The following SEL1L3 variants were observed in gnomAD, a reference collection of about 807,000 sequenced individuals.
The protein encoded by SEL1L3 is protein sel-1 homolog 3.
Under a neutral mutation model 142.8 loss-of-function variants are expected in SEL1L3, and 76 were observed. The ratio of observed to expected loss-of-function variants is 0.53; its 90% CI spans 0.44 to 0.64. The LOEUF (loss-of-function observed/expected upper bound fraction) is 0.64, where lower values mean the gene tolerates loss of function less well. Among genes scored for constraint, SEL1L3 ranks in the 30% least tolerant of loss-of-function variants. SEL1L3 has a pLI of 0.00. For missense variants in SEL1L3, 1,262 were observed against 1,381.7 expected (o/e 0.91, Z 1.37); for synonymous variants, 504 against 519.6 (o/e 0.97, Z 0.41).
chr4:25,790,857 C>T (rs901008686), intron 11 of SEL1L3, among the ~76,000 whole-genome samples: 2 of 152,146 alleles, frequency 1.3e-5, no homozygotes, highest in African/African-American at 4.8e-5. Flanking sequence ...ATGATATAAG[C>T]ACGCAAAAGA....
At chr4:25,780,590 T>C (rs1245809980) in intron 15 of SEL1L3, among the ~76,000 whole-genome samples, 1 of 151,904 alleles carries the variant, frequency 6.6e-6, no homozygotes. Context: ...AATGTTCTCC[T>C]AGATATCTGT....
intron 6 of SEL1L3, among the ~76,000 whole-genome samples, chr4:25,829,541 A>G (rs763025077): frequency 8.5e-5 from 13 of 152,214 alleles, no homozygotes; most frequent in African/African-American, 2.4e-5. Context: ...CCACGATTAT[A>G]CGTGGATGTA....
intron 1 of SEL1L3, among the ~76,000 whole-genome samples, 186 bp from the exon 2 acceptor site, chr4:25,848,050 C>T (rs1310921493): frequency 6.6e-6 from 1 of 152,130 alleles, no homozygotes; most frequent in Non-Finnish European, 1.5e-5. Context: ...CACACAAATA[C>T]AAAGGAAGAT....
chr4:25,719,553 A>G, the SEL1L3 span: 1 of 147,482 alleles, frequency 6.8e-6, no homozygotes, highest in South Asian at 2.2e-4. Context: ...TAAGATTAGA[A>G]GAGGTGATGT....
At chr4:25,790,853 T>A (rs1468345558) in intron 11 of SEL1L3, among the ~76,000 whole-genome samples, 1 of 152,060 alleles carries the variant, frequency 6.6e-6, no homozygotes, top group Non-Finnish European at 1.5e-5. Flanking sequence ...CCAAATGATA[T>A]AAGCACGCAA....
the SEL1L3 span, among the ~76,000 whole-genome samples, chr4:25,725,108 A>G: frequency 1.3e-5 from 2 of 152,114 alleles, no homozygotes; most frequent in African/African-American, 4.8e-5. Flanking sequence ...GGGACTTGCT[A>G]GGATCCCTGC....
intron 17 of SEL1L3, chr4:25,773,185 G>A (rs188833202): frequency 9.9e-5 from 15 of 152,266 alleles, no homozygotes; most frequent in Non-Finnish European, 8.8e-5. Context: ...ATCATATAAA[G>A]GTCAGAAATA....
downstream of SEL1L3, among the ~76,000 whole-genome samples, chr4:25,746,221 A>G (rs1481360153): frequency 6.6e-6 from 1 of 152,016 alleles, no homozygotes; most frequent in Non-Finnish European, 1.5e-5. Context: ...AATAAAAATA[A>G]AAAAGCATAT....
At position 25,797,059 on chromosome 4, in the gene SEL1L3, G is replaced by A. The variant is rs143172166; in HGVS notation, c.1956+5224C>T. 1.6e-4 allele frequency among the ~76,000 whole-genome samples: 24 copies of A among 151,110 alleles called. No individual in the cohort carries two copies. The East Asian group carries it at 4.5e-3, about 28-fold the overall frequency. On this transcript the variant is annotated intron_variant, in intron 11 of 23. Coordinates refer to ENST00000399878, the MANE Select transcript of SEL1L3 (RefSeq NM_015187.5). ...AGACAGGTAGTGGAGAGAGAAAGAG[G>A]AGAGGGAGGAGAAAGAGAAAGGAAG... is the stretch of plus-strand genomic sequence containing the variant.
intron 9 of SEL1L3, 80 bp downstream of exon 9, chr4:25,818,058 A>G: frequency 1.4e-6 from 2 of 1,445,278 alleles, no homozygotes; most frequent in Non-Finnish European, 1.9e-6. Flanking sequence ...GGCATAAATC[A>G]CCAAAGAGGG....
Position 25,765,344 on chromosome 4 carries a change from G to A in SEL1L3, c.2937C>T (p.Ala979=). 1 of 1,613,192 alleles carries A rather than the reference G, an allele frequency of 6.2e-7. No individual in the cohort carries two copies. Residue 979 remains alanine (A), a synonymous_variant, in exon 20 of 24, where the codon GCC becomes GCT. Coordinates refer to ENST00000399878, the MANE Select transcript of SEL1L3 (RefSeq NM_015187.5). The part of the protein sequence containing the change: ...ELSVQMYAQA[A]LDGDSQGFFN... ...TGTTTACCTGGGAGTCTCCATCCAG[G>A]GCGGCTTGGGCGTACATCTGCACAG...
chr4:25,799,126 G>A (rs1712999010), intron 11 of SEL1L3, among the ~76,000 whole-genome samples: 1 of 152,250 alleles, frequency 6.6e-6, no homozygotes, highest in African/African-American at 2.4e-5. Context: ...CCAGGCTGGA[G>A]TGCAGTGGCA....
chr4:25,750,908 C>A (rs778311398), intron 23 of SEL1L3, among the ~76,000 whole-genome samples: 1 of 152,176 alleles, frequency 6.6e-6, no homozygotes, highest in South Asian at 2.1e-4. Flanking sequence ...AATAGGCTGA[C>A]GTTGGTTTAA....
At chr4:25,790,993 T>C (rs1712295651) in intron 11 of SEL1L3, among the ~76,000 whole-genome samples, 2 of 152,274 alleles carry the variant, frequency 1.3e-5, no homozygotes, top group Admixed American at 1.3e-4. Flanking sequence ...CTTCTATATC[T>C]AAACGGTTGT....
intron 1 of SEL1L3, among the ~76,000 whole-genome samples, chr4:25,849,791 A>G (rs1249584572): frequency 1.3e-5 from 2 of 152,200 alleles, no homozygotes; most frequent in Admixed American, 1.3e-4. Context: ...GCTGCGGGAG[A>G]GGCAAAGATG....
At chr4:25,794,186 A>G (rs1447346695) in intron 11 of SEL1L3, among the ~76,000 whole-genome samples, 1 of 152,238 alleles carries the variant, frequency 6.6e-6, no homozygotes, top group Non-Finnish European at 1.5e-5. Context: ...GATGAATTAA[A>G]CTAAACAGCT....
chr4:25,756,371 T>C, intron 23 of SEL1L3: 1 of 985,336 alleles, frequency 1.0e-6, no homozygotes, highest in Non-Finnish European at 1.2e-6. Flanking sequence ...TATGGTCTAA[T>C]AGAGGAGTAA....
chr4:25,828,137 G>T (rs1293794911), intron 6 of SEL1L3, among the ~76,000 whole-genome samples: 2 of 152,144 alleles, frequency 1.3e-5, no homozygotes, highest in Non-Finnish European at 1.5e-5. Flanking sequence ...ATGTTTCAAT[G>T]CAGCTATTAA....
intron 13 of SEL1L3, among the ~76,000 whole-genome samples, chr4:25,786,877 G>A (rs1342687821): frequency 3.9e-5 from 6 of 152,224 alleles, no homozygotes; most frequent in African/African-American, 1.4e-4. Flanking sequence ...GCTTTGATAG[G>A]GTAGGGAGGG....
Sources: allele counts gnomAD v4.1 joint callset (sites outside exome capture counted in the v4.1 genomes callset), GRCh38; gene constraint gnomAD v4.1.1; transcripts MANE v1.5; gene names NCBI Gene and HGNC (gene_info 2026-07-23, HGNC 2026-07-21).